The following LINGO2 variants were observed in gnomAD, a reference collection of about 807,000 sequenced individuals.
LINGO2 encodes leucine-rich repeat and immunoglobulin-like domain-containing nogo receptor-interacting protein 2.
LINGO2 carries 14 observed loss-of-function variants against 30.6 expected under a neutral mutation model. The ratio of observed to expected loss-of-function variants is 0.46; its 90% confidence interval spans 0.30 to 0.72. The LOEUF is 0.72. Ranked by LOEUF, LINGO2 falls within the 30% of genes least tolerant of loss-of-function variation. The pLI is 0.07. For missense variants in LINGO2, 729 were observed against 751.7 expected (o/e 0.97, Z 0.35); for synonymous variants, 317 against 288.5 (o/e 1.10, Z -1.00).
chr9:28,006,912 C>T (rs892985422), intron 5 of LINGO2, among the ~76,000 whole-genome samples: 1 of 115,002 alleles, frequency 8.7e-6, no homozygotes, highest in South Asian at 3.0e-4. Context: ...ATATACTGAG[C>T]TAGTCTAATT....
At chr9:29,166,675 G>A in the LINGO2 span, among the ~76,000 whole-genome samples, 2 of 152,164 alleles carry the variant, frequency 1.3e-5, no homozygotes, top group African/African-American at 4.8e-5. Flanking sequence ...GGAATTTCCA[G>A]TCCAAAGTAT....
chr9:28,221,476 T>C (rs1413816407), intron 4 of LINGO2, among the ~76,000 whole-genome samples: 2 of 152,092 alleles, frequency 1.3e-5, no homozygotes, highest in East Asian at 3.9e-4. Flanking sequence ...ATACATTTGC[T>C]ACTCCTAATT....
intron 4 of LINGO2, among the ~76,000 whole-genome samples, chr9:28,146,444 T>C (rs987400495): frequency 2.6e-5 from 4 of 152,188 alleles, no homozygotes; most frequent in Non-Finnish European, 4.4e-5. Context: ...TTGATTGTGG[T>C]TTGGTAAAGA....
intron 4 of LINGO2, among the ~76,000 whole-genome samples, chr9:28,083,322 G>A (rs1825824721): frequency 6.6e-6 from 1 of 152,136 alleles, no homozygotes; most frequent in Non-Finnish European, 1.5e-5. Context: ...GCTACAAGGA[G>A]TGATCAGTCT....
At chr9:28,395,586 C>T (rs571687496) in intron 2 of LINGO2, among the ~76,000 whole-genome samples, 1 of 152,054 alleles carries the variant, frequency 6.6e-6, no homozygotes, top group East Asian at 1.9e-4. Context: ...GTCTCCAGGG[C>T]ATATACCCAT....
chr9:28,736,490 A>G, the LINGO2 span, among the ~76,000 whole-genome samples: 1 of 152,122 alleles, frequency 6.6e-6, no homozygotes, highest in African/African-American at 2.4e-5. Context: ...TGTGATGATT[A>G]AACAATAAAA....
intron 4 of LINGO2, among the ~76,000 whole-genome samples, chr9:28,209,357 T>G (rs564691500): frequency 1.3e-5 from 2 of 151,934 alleles, no homozygotes; most frequent in South Asian, 4.1e-4. Context: ...GTCATGCACA[T>G]ATAAATTCAA....
At chr9:28,598,356 T>A (rs1825291833) in intron 1 of LINGO2, among the ~76,000 whole-genome samples, 1 of 145,954 alleles carries the variant, frequency 6.9e-6, no homozygotes, top group Admixed American at 7.0e-5. Context: ...ATAGCTCAGA[T>A]GGAATTGTAT....
intron 4 of LINGO2, among the ~76,000 whole-genome samples, chr9:28,247,901 A>C (rs1453177034): frequency 6.6e-6 from 1 of 152,172 alleles, no homozygotes. Context: ...TCAAAACTAT[A>C]ATAAAATATC....
At chr9:28,118,601 G>A (rs1827003146) in intron 4 of LINGO2, among the ~76,000 whole-genome samples, 1 of 152,136 alleles carries the variant, frequency 6.6e-6, no homozygotes, top group African/African-American at 2.4e-5. Flanking sequence ...TGATTTTTGG[G>A]AGAGTAGTAA....
chr9:28,512,618 T>C (rs866890953), intron 1 of LINGO2, among the ~76,000 whole-genome samples: 11 of 104,502 alleles, frequency 1.1e-4, no homozygotes, highest in African/African-American at 4.6e-4. Flanking sequence ...TATATATATA[T>C]ATATATATAT....
At chr9:27,967,781 T>C (rs1409802556) in intron 5 of LINGO2, among the ~76,000 whole-genome samples, 3 of 152,150 alleles carry the variant, frequency 2.0e-5, no homozygotes, top group Non-Finnish European at 4.4e-5. Context: ...CCTTTGTTAA[T>C]GTAATCCTTT....
the LINGO2 span, among the ~76,000 whole-genome samples, chr9:28,732,762 T>C: frequency 6.6e-6 from 1 of 152,214 alleles, no homozygotes; most frequent in African/African-American, 2.4e-5. Flanking sequence ...CTCGATATAA[T>C]TGATTCCACT....
chr9:29,168,610 C>A, the LINGO2 span, among the ~76,000 whole-genome samples: 1 of 152,204 alleles, frequency 6.6e-6, no homozygotes, highest in Non-Finnish European at 1.5e-5. Context: ...CATTTTCTCT[C>A]TTTTTATTTT....
At chr9:28,170,820 C>T (rs1211444269) in intron 4 of LINGO2, among the ~76,000 whole-genome samples, 1 of 152,178 alleles carries the variant, frequency 6.6e-6, no homozygotes, top group African/African-American at 2.4e-5. Flanking sequence ...CTCTCTCTTC[C>T]CTTTACTAAC....
At chr9:28,983,046 C>A in the LINGO2 span, among the ~76,000 whole-genome samples, 1 of 151,658 alleles carries the variant, frequency 6.6e-6, no homozygotes, top group Non-Finnish European at 1.5e-5. Flanking sequence ...AAGAAAATAT[C>A]ACATGAACTC....
the LINGO2 span, among the ~76,000 whole-genome samples, chr9:29,003,153 G>C: frequency 1.3e-5 from 2 of 152,012 alleles, no homozygotes; most frequent in African/African-American, 4.8e-5. Context: ...CCTTCAGAGA[G>C]AGCCTGGTTC....
At chr9:29,090,783 AT>A in the LINGO2 span, among the ~76,000 whole-genome samples, 72 of 149,552 alleles carry the variant, frequency 4.8e-4, no homozygotes, top group South Asian at 9.9e-3. Context: ...TTATTTATTT[AT>A]CCTTGATTTG....
At chr9:29,063,465 C>T in the LINGO2 span, among the ~76,000 whole-genome samples, 1 of 151,186 alleles carries the variant, frequency 6.6e-6, no homozygotes, top group African/African-American at 2.4e-5. Flanking sequence ...TGCAGTGGCG[C>T]AATCTAGGCT....
Sources: allele counts gnomAD v4.1 joint callset (sites outside exome capture counted in the v4.1 genomes callset), GRCh38; gene constraint gnomAD v4.1.1; transcripts MANE v1.5; gene names NCBI Gene and HGNC (gene_info 2026-07-23, HGNC 2026-07-21).